FKTN: variants seen among roughly 807,000 people sequenced by gnomAD.
FKTN encodes fukutin.
A neutral mutation model predicts 58.6 loss-of-function variants in FKTN; 47 were observed. The observed-to-expected ratio is 0.80, with a 90% CI of 0.63 to 1.02. The LOEUF (loss-of-function observed/expected upper bound fraction) is 1.02, where lower values mean the gene tolerates loss of function less well. FKTN is among the 50% of genes least tolerant of loss of function. FKTN has a pLI of 0.00. For synonymous variants in FKTN, 178 were observed against 191.9 expected (o/e 0.93, Z 0.60); for missense variants, 516 against 537.3 (o/e 0.96, Z 0.39).
At chr9:105,563,331 C>A (rs528051622) in intron 1 of FKTN, among the ~76,000 whole-genome samples, 4 of 152,232 alleles carry the variant, frequency 2.6e-5, no homozygotes, top group African/African-American at 9.6e-5. Flanking sequence ...GCGCACCGAG[C>A]GTGAGCCGAA....
rs369876107 is a variant in FKTN, at chr9:105,621,786, T to C, written c.1172+1725T>C. Among the ~76,000 whole-genome samples the C allele has an allele frequency of 2.4e-4, 37 of 152,224 alleles. No homozygotes were observed. The East Asian group carries it at 6.8e-3, about 28-fold the overall frequency. On this transcript the variant is annotated intron_variant, in intron 10 of 10. Coordinates refer to ENST00000357998, the MANE Select transcript of FKTN (RefSeq NM_001079802.2). ...AATAGCTGCATTTTATTCCATTGTATGGCAATACCATAATTTATTCAACCA... is the reference window on the plus strand; with the variant it reads ...AATAGCTGCATTTTATTCCATTGTACGGCAATACCATAATTTATTCAACCA...
intron 1 of FKTN, among the ~76,000 whole-genome samples, chr9:105,562,886 A>G (rs1179693980): frequency 2.6e-5 from 4 of 152,204 alleles, no homozygotes; most frequent in Non-Finnish European, 5.9e-5. Flanking sequence ...CCCACAGCAT[A>G]AGGATATGGC....
intron 10 of FKTN, among the ~76,000 whole-genome samples, chr9:105,621,039 G>A (rs946554166): frequency 2.0e-5 from 3 of 151,982 alleles, no homozygotes; most frequent in African/African-American, 7.2e-5. Flanking sequence ...GACATGATCC[G>A]AAACCTGCAA....
At chr9:105,630,117 G>T (rs1031807012) in intron 10 of FKTN, among the ~76,000 whole-genome samples, 4 of 152,000 alleles carry the variant, frequency 2.6e-5, no homozygotes, top group African/African-American at 9.7e-5. Context: ...GAGTTAATGG[G>T]TGCAGCACAC....
Position 105,637,560 on chromosome 9 carries a change from G to A in FKTN, c.*2296G>A. 4 of 985,206 alleles carry A rather than the reference G, an allele frequency of 4.1e-6. No homozygotes were observed. Among genetic ancestry groups the A allele is most frequent in the Non-Finnish European group, 4.8e-6 (4 of 829,722 alleles). 61.0% of individuals were successfully genotyped at this position (985,206 alleles called of 1,614,324 possible). On this transcript the variant is annotated 3_prime_UTR_variant, in exon 11 of 11. Transcript: ENST00000357998. ...TTTTAACAGTTGGGTTCTGTGGAGT[G>A]TCCAGAGACCTTGGGTTAGGTATAT...
In FKTN at chr9:105,640,198, C is replaced by A; in HGVS notation, c.*4934C>A. The A allele has an allele frequency of 1.3e-6, 2 of 1,527,126 alleles. No individual in the cohort carries two copies. The highest frequency in any genetic ancestry group is 1.8e-6 in the Non-Finnish European group (2 of 1,142,010). The allele number at this position is 1,527,126 out of a possible 1,614,324, so 94.6% of individuals were successfully genotyped here. On this transcript the variant is annotated 3_prime_UTR_variant, in exon 11 of 11. Coordinates refer to ENST00000357998, the MANE Select transcript of FKTN (RefSeq NM_001079802.2). ...TAAGTGAAACAGACTAATTCAATGG[C>A]AATACCTTTTGTATAGGTCCTGTGC...
intron 3 of FKTN, among the ~76,000 whole-genome samples, chr9:105,577,938 A>G (rs1239127097): frequency 6.6e-6 from 1 of 151,494 alleles, no homozygotes; most frequent in Non-Finnish European, 1.5e-5. Context: ...GCAATTATGA[A>G]TAGGAGTTCA....
intron 7 of FKTN, among the ~76,000 whole-genome samples, chr9:105,609,625 A>G (rs1829544679): frequency 6.6e-6 from 1 of 152,080 alleles, no homozygotes; most frequent in Non-Finnish European, 1.5e-5. Context: ...TATTACTTTC[A>G]TGACTAATAC....
rs1834000548 is a variant in FKTN at position 105,635,900 on chromosome 9, A to G, written c.*636A>G. The G allele has an allele frequency of 2.0e-6, 2 of 989,560 alleles. No individual in the cohort carries two copies. The highest frequency in any genetic ancestry group is 1.2e-6 in the Non-Finnish European group (1 of 832,238). 61.3% of individuals were successfully genotyped at this position (989,560 alleles called of 1,614,324 possible). ...TCAGAGCTTATTACTTGTCAGGATA[A>G]GTAAATTTCTGTACATGTACTGTTT... On this transcript the variant is annotated 3_prime_UTR_variant, in exon 11 of 11. Transcript: ENST00000357998.
chr9:105,578,574 G>C (rs1039858049), intron 3 of FKTN, among the ~76,000 whole-genome samples: 1 of 151,050 alleles, frequency 6.6e-6, no homozygotes, highest in African/African-American at 2.4e-5. Flanking sequence ...CGGTTTGCCA[G>C]TATTTTATTG....
intron 10 of FKTN, among the ~76,000 whole-genome samples, chr9:105,631,211 T>C (rs1387107089): frequency 6.6e-6 from 1 of 152,180 alleles, no homozygotes; most frequent in East Asian, 1.9e-4. Context: ...GCAATCATGT[T>C]TAATGATAAA....
At position 105,587,890 on chromosome 9, in the gene FKTN, G is replaced by A. The variant is rs60929979; in HGVS notation, c.106-8708G>A. Among the ~76,000 whole-genome samples the A allele has an allele frequency of 5.6e-3, 845 of 152,200 alleles. 10 individuals are homozygous for A. The highest frequency in any genetic ancestry group is 0.02 in the African/African-American group (819 of 41,522). On this transcript the variant is annotated intron_variant, in intron 3 of 10. Transcript: ENST00000357998. ...GCTTGGGAGTAAATATAAGAGAAAT[G>A]TTTCTACTGGAAAGAGAAACACTGA...
Position 105,639,920 on chromosome 9 carries a change from C to T in FKTN, c.*4656C>T. The T allele has an allele frequency of 6.9e-7, 1 of 1,447,500 alleles. No individual in the cohort carries two copies. Among genetic ancestry groups the T allele is most frequent in the Non-Finnish European group, 9.0e-7 (1 of 1,105,886 alleles). 89.7% of individuals were successfully genotyped at this position (1,447,500 alleles called of 1,614,324 possible). A position where few individuals can be genotyped will look rare whatever the true frequency, so the allele number is the denominator to read the frequency against. On this transcript the variant is annotated 3_prime_UTR_variant, in exon 11 of 11. Transcript: ENST00000357998. Reference sequence around the variant, plus strand: ...ATTCTAGCCTTTCCTAGATGTAAATCTTTACCTCCTTGTTAGTGAAATTAG... The same window carrying T: ...ATTCTAGCCTTTCCTAGATGTAAATTTTTACCTCCTTGTTAGTGAAATTAG...
intron 7 of FKTN, among the ~76,000 whole-genome samples, chr9:105,612,803 A>G (rs1830169161): frequency 6.6e-6 from 1 of 152,150 alleles, no homozygotes; most frequent in East Asian, 1.9e-4. Flanking sequence ...CGGCTCTACA[A>G]AACACACAAA....
intron 3 of FKTN, among the ~76,000 whole-genome samples, chr9:105,582,736 A>T (rs964913758): frequency 3.9e-5 from 6 of 152,232 alleles, no homozygotes; most frequent in Non-Finnish European, 8.8e-5. Flanking sequence ...CCTAGAGTAG[A>T]AATTCTAGAT....
chr9:105,611,761 A>G (rs1217221411), intron 7 of FKTN, among the ~76,000 whole-genome samples: 1 of 152,142 alleles, frequency 6.6e-6, no homozygotes, highest in Non-Finnish European at 1.5e-5. Flanking sequence ...GAGCATTTAG[A>G]TTGATTCCAT....
chr9:105,558,145 T>C lies in FKTN; in HGVS notation c.-201T>C, dbSNP rs1328425798. ...TGTGAGTGCCGTAAAGCGGAGCGGC[T>C]GCAGCCTGCTGTTGAGTGAGGTAAG... On this transcript the variant is annotated 5_prime_UTR_variant, in exon 1 of 11. Transcript: ENST00000357998. 6.6e-6 allele frequency: 1 copy of C among 152,090 alleles called. No individual in the cohort carries two copies. Among genetic ancestry groups the C allele is most frequent in the Non-Finnish European group, 1.5e-5 (1 of 68,108 alleles). 9.4% of individuals were successfully genotyped at this position (152,090 alleles called of 1,614,324 possible).
In FKTN at chr9:105,636,712, G is replaced by T; in HGVS notation, c.*1448G>T. 1 of 1,298,086 alleles carries T rather than the reference G, an allele frequency of 7.7e-7. No homozygotes were observed. Among genetic ancestry groups the T allele is most frequent in the Non-Finnish European group, 1.0e-6 (1 of 984,510 alleles). 80.4% of individuals were successfully genotyped at this position (1,298,086 alleles called of 1,614,324 possible). A position where few individuals can be genotyped will look rare whatever the true frequency, so the allele number is the denominator to read the frequency against. ...TCTTATATCTTATCTATGCTATTTA[G>T]GACTACTTTCTGGAGCTTGGCAGAT... is the stretch of plus-strand genomic sequence containing the variant. On this transcript the variant is annotated 3_prime_UTR_variant, in exon 11 of 11. Transcript: ENST00000357998.
In FKTN at chr9:105,635,849, T is replaced by C; in HGVS notation, c.*585T>C. On this transcript the variant is annotated 3_prime_UTR_variant, in exon 11 of 11. Transcript: ENST00000357998. ...AATTAGAGAACAAGGCATTATTCTT[T>C]TAGGGAAGGTGAGAGCTTATTTGTA... The C allele has an allele frequency of 3.0e-6, 3 of 994,786 alleles. No individual in the cohort carries two copies. The highest frequency in any genetic ancestry group is 3.6e-6 in the Non-Finnish European group (3 of 834,734). The allele number at this position is 994,786 out of a possible 1,614,324, so 61.6% of individuals were successfully genotyped here. A position where few individuals can be genotyped will look rare whatever the true frequency, so the allele number is the denominator to read the frequency against.
Sources: gnomAD v4.1 joint callset for allele counts (sites outside exome capture counted in the v4.1 genomes callset) on GRCh38, gnomAD v4.1.1 for gene constraint, MANE v1.5 for transcripts, NCBI Gene and HGNC (gene_info 2026-07-23, HGNC 2026-07-21) for gene names.